The following MUC6 variants were observed in gnomAD, a reference collection of about 807,000 sequenced individuals.
The protein encoded by MUC6 is mucin 6, oligomeric mucus/gel-forming (gene/pseudogene).
In MUC6, 188 loss-of-function variants were observed where a neutral mutation model predicts 201.5. That is an observed-to-expected ratio of 0.93 (90% CI 0.83 to 1.05). The LOEUF is 1.05. Among genes scored for constraint, MUC6 ranks in the 50% least tolerant of loss-of-function variants. The pLI is 0.00. For missense variants in MUC6, 2,706 were observed against 3,256.9 expected, an observed-to-expected ratio of 0.83 and a Z score of 4.12; for synonymous variants, 1,228 against 1,389.4, an observed-to-expected ratio of 0.88 and a Z score of 2.58.
At position 1,020,154 on chromosome 11, in the gene MUC6, G is replaced by A. The variant is rs921137888; in HGVS notation, c.3744C>T (p.Ser1248=). Residue 1248 remains serine, a synonymous_variant, in exon 29 of 33, where the codon AGC becomes AGT. Transcript: ENST00000421673. The part of the protein sequence containing the change: ...PSPSSNHTPA[S]PTQTPLLPAT... ...CTGGAAGGAGGGGTGTCTGGGTGGGGCTGGCAGGGGTGTGATTAGAGCTGG... is the reference window on the plus strand; with the variant it reads ...CTGGAAGGAGGGGTGTCTGGGTGGGACTGGCAGGGGTGTGATTAGAGCTGG... 1.2e-6 allele frequency: 2 copies of A among 1,613,212 alleles called. No homozygotes were observed. Among genetic ancestry groups the A allele is most frequent in the South Asian group, 2.2e-5 (2 of 91,032 alleles).
rs1857007936 is a variant in MUC6, at chr11:1,028,057, C to T, written c.1756G>A (p.Val586Met). 1.3e-6 allele frequency: 2 copies of T among 1,571,994 alleles called. No homozygotes were observed. The highest frequency in any genetic ancestry group is 1.7e-6 in the Non-Finnish European group (2 of 1,159,118). ...ATGGAGCAGTGGGTCTCTGCACACA[C>T]CTCTGGGGATGACAGGCCCGGGCGT... ...DPCSMSQLNKVCAETHCSMLL... is the reference protein window; with the variant it reads ...DPCSMSQLNKMCAETHCSMLL... Residue 586 changes from valine to methionine, a missense_variant and splice_region_variant, in exon 15 of 33, where the codon GTG (valine) becomes ATG (methionine). Val to Met is a conservative substitution (Grantham distance 21). This residue lies in a region of MUC6 where 1,850 missense variants were observed against 1,958.3 expected (regional missense o/e 0.94). Transcript: ENST00000421673.
chr11:1,024,239 C>T lies in MUC6; in HGVS notation c.3226-136G>A, dbSNP rs1262196239. The stretch of plus-strand genomic sequence containing the variant: ...CGCTGGGACTGGGTGAGCGGCACCA[C>T]GTGGACCTCAGCCCTGACCGCTAGC... On this transcript the variant is annotated intron_variant, in intron 24 of 32. Transcript: ENST00000421673. The T allele has an allele frequency of 7.4e-6, 8 of 1,075,116 alleles. No homozygotes were observed. In the South Asian group the frequency reaches 7.6e-5, roughly 10 times the overall value. 66.6% of individuals were successfully genotyped at this position (1,075,116 alleles called of 1,614,324 possible). A position where few individuals can be genotyped will look rare whatever the true frequency, so the allele number is the denominator to read the frequency against.
At position 1,016,589 on chromosome 11, in the gene MUC6, G is replaced by T. The variant is rs749553046; in HGVS notation, c.6212C>A (p.Thr2071Asn). The T allele has an allele frequency of 1.2e-6, 2 of 1,613,124 alleles. No homozygotes were observed. The highest frequency in any genetic ancestry group is 1.7e-6 in the Non-Finnish European group (2 of 1,179,436). Residue 2071 changes from threonine to asparagine, a missense_variant, in exon 31 of 33, where the codon ACC becomes AAC. Transcript: ENST00000421673. ...GCTGAATGAGCTGTGGGTTTGGCTG[G>T]TCCCACTGGTGGTCACTGTCATTGG... ...APPMTVTTSG[T>N]SQTHSSFSTA...
In MUC6 at chr11:1,030,641, G is replaced by A; in HGVS notation, c.824C>T (p.Ser275Leu). The A allele has an allele frequency of 9.1e-6, 14 of 1,542,946 alleles. No individual in the cohort carries two copies. Among genetic ancestry groups the A allele is most frequent in the Non-Finnish European group, 1.2e-5 (14 of 1,145,998 alleles). The change falls in exon 7 of 33, where the codon TCG (serine) becomes TTG (leucine). Residue 275 changes from serine (S) to leucine (L), a missense_variant. By Grantham distance (145) the Ser-to-Leu change is moderately radical. Transcript: ENST00000421673. Reference sequence around the variant, plus strand: ...CATGCTGCACTGGCGGGAGTACTCCGACAGGGTGGCACAACTGCTGTTCTG... The same window carrying A: ...CATGCTGCACTGGCGGGAGTACTCCAACAGGGTGGCACAACTGCTGTTCTG... ...GPQNSSCATL[S>L]EYSRQCSMVG...
rs540553206 is a variant in MUC6 at position 1,024,214 on chromosome 11, C to T, written c.3226-111G>A. On this transcript the variant is annotated intron_variant, in intron 24 of 32. Coordinates refer to ENST00000421673, the MANE Select transcript of MUC6 (RefSeq NM_005961.3). ...TCAGGCCGGAGTGTGGCGGTAAGGGCGCTGGGACTGGGTGAGCGGCACCAC... is the reference window on the plus strand; with the variant it reads ...TCAGGCCGGAGTGTGGCGGTAAGGGTGCTGGGACTGGGTGAGCGGCACCAC... 2.2e-5 allele frequency: 29 copies of T among 1,296,228 alleles called. No individual in the cohort carries two copies. The East Asian group carries it at 3.0e-4, about 14-fold the overall frequency. 80.3% of individuals were successfully genotyped at this position (1,296,228 alleles called of 1,614,324 possible).
intron 24 of MUC6, 79 bp downstream of exon 24, chr11:1,024,765 T>G (rs1354074900): frequency 6.6e-7 from 1 of 1,520,222 alleles, no homozygotes; most frequent in Non-Finnish European, 8.8e-7. Context: ...GAACCGTGCC[T>G]GGCTTCCCCG....
At position 1,018,372 on chromosome 11, in the gene MUC6, G is replaced by A; in HGVS notation, c.4429C>T (p.His1477Tyr). 1 of 1,613,792 alleles carries A rather than the reference G, an allele frequency of 6.2e-7. No homozygotes were observed. The change falls in exon 31 of 33, where the codon CAC becomes TAC. Residue 1477 changes from histidine (H) to tyrosine (Y), a missense_variant. Coordinates refer to ENST00000421673, the MANE Select transcript of MUC6 (RefSeq NM_005961.3). ...HAQMATSASN[H>Y]SAPTGTIPPP... ...GGAATGGTACCTGTTGGCGCTGAGT[G>A]GTTGGAGGCAGATGTGGCCATCTGT...
At chr11:1,021,823 C>T (rs1036001673) in intron 26 of MUC6, among the ~76,000 whole-genome samples, 1 of 152,062 alleles carries the variant, frequency 6.6e-6, no homozygotes, top group Non-Finnish European at 1.5e-5. Flanking sequence ...GATGCAGGTG[C>T]CCTGCATTGC....
intron 8 of MUC6, 93 bp from the exon 9 acceptor site, chr11:1,029,708 CTCCAGGGAGACGCCCCCTCCAGCCTGG>C (rs1440226045): frequency 6.8e-7 from 1 of 1,464,636 alleles, no homozygotes; most frequent in African/African-American, 1.4e-5. Flanking sequence ...TCCAGCCTGG[CTCCAGGGAGACGCCCCCTCCAGCCTGG>C]CTCCAGGGAG....
rs1590050450 is a variant in MUC6, at chr11:1,027,532, G to C, written c.1982-15C>G. On this transcript the variant is annotated splice_polypyrimidine_tract_variant and intron_variant, in intron 16 of 32. Transcript: ENST00000421673. Reference sequence around the variant, plus strand: ...GCAGGGGATGGCTGTGGGGGACCCGGGCATCAGACTCTCCGGGAGGGGGCG... The same window carrying C: ...GCAGGGGATGGCTGTGGGGGACCCGCGCATCAGACTCTCCGGGAGGGGGCG... The C allele has an allele frequency of 1.2e-6, 2 of 1,611,532 alleles. No individual in the cohort carries two copies. The highest frequency in any genetic ancestry group is 4.5e-5 in the East Asian group (2 of 44,848).
rs373044731 is a variant in MUC6 at position 1,025,192 on chromosome 11, C to T, written c.2975G>A (p.Arg992His). 1.1e-4 allele frequency: 184 copies of T among 1,611,502 alleles called. No homozygotes were observed. Among genetic ancestry groups the T allele is most frequent in the Non-Finnish European group, 1.4e-4 (162 of 1,178,848 alleles). ...GAGGGCGTGCGGTACCTGGGAGGCA[C>T]GGGCGATCCTGATGAGGATGGTCAT... Reference protein sequence around the residue: ...RHMTILIRIARASQDPLCGLC... With the variant: ...RHMTILIRIAHASQDPLCGLC... The change falls in exon 23 of 33, where the codon CGT (arginine) becomes CAT (histidine). Residue 992 changes from arginine (R) to histidine (H), a missense_variant. Physicochemically the swap from Arg to His is conservative, Grantham distance 29. Transcript: ENST00000421673.
intron 7 of MUC6, 86 bp downstream of exon 7, chr11:1,030,487 G>T: frequency 1.4e-6 from 2 of 1,437,934 alleles, no homozygotes; most frequent in Non-Finnish European, 1.8e-6. Flanking sequence ...GGATGCAGGC[G>T]TCACGTCAGG....
chr11:1,015,865 C>A lies in MUC6; in HGVS notation c.6936G>T (p.Leu2312Phe), dbSNP rs769001416. Reference protein sequence around the residue: ...NLTTRHPGPTLSPTTRFLTSS... With the variant: ...NLTTRHPGPTFSPTTRFLTSS... Reference sequence around the variant, plus strand: ...TGGTCAGGAACCGTGTGGTAGGCGACAAGGTGGGACCAGGGTGCCTGGTGG... The same window carrying A: ...TGGTCAGGAACCGTGTGGTAGGCGAAAAGGTGGGACCAGGGTGCCTGGTGG... The change falls in exon 31 of 33, where the codon TTG becomes TTT. Residue 2312 changes from leucine (L) to phenylalanine (F), a missense_variant. Physicochemically the swap from Leu to Phe is conservative, Grantham distance 22. This residue lies in a region of MUC6 where 586 missense variants were observed against 488.0 expected (regional missense o/e 1.20). Transcript: ENST00000421673. The A allele has an allele frequency of 6.2e-7, 1 of 1,607,542 alleles. No individual in the cohort carries two copies. The highest frequency in any genetic ancestry group is 8.5e-7 in the Non-Finnish European group (1 of 1,176,404).
In MUC6 at chr11:1,028,588, C is replaced by G. The variant is rs1857022885; in HGVS notation, c.1591+58G>C. 2.5e-6 allele frequency: 4 copies of G among 1,580,976 alleles called. No homozygotes were observed. In the Admixed American group the frequency reaches 7.3e-5, roughly 29 times the overall value. On this transcript the variant is annotated intron_variant, in intron 13 of 32. Coordinates refer to ENST00000421673, the MANE Select transcript of MUC6 (RefSeq NM_005961.3). ...TCTTGGACCTTTCTCCTCCCCTGGT[C>G]ATGGCCAGACCCTGTAGGGATGAGG... is the stretch of plus-strand genomic sequence containing the variant.
In MUC6 at chr11:1,019,471, G is replaced by A. The variant is rs1018184328; in HGVS notation, c.3834C>T (p.Val1278=). Residue 1278 remains valine (V), a synonymous_variant, in exon 30 of 33, where the codon GTC becomes GTT. Coordinates refer to ENST00000421673, the MANE Select transcript of MUC6 (RefSeq NM_005961.3). ...SGEPPRPTTA[V]TPQATSGLPP... ...GCAGCCCTGATGTGGCTTGTGGGGTGACGGCCGTGGTTGGTCTAGGTGGTT... is the reference window on the plus strand; with the variant it reads ...GCAGCCCTGATGTGGCTTGTGGGGTAACGGCCGTGGTTGGTCTAGGTGGTT... 6.2e-7 allele frequency: 1 copy of A among 1,613,800 alleles called. No individual in the cohort carries two copies. The highest frequency in any genetic ancestry group is 8.5e-7 in the Non-Finnish European group (1 of 1,179,876).
At position 1,023,490 on chromosome 11, in the gene MUC6, C is replaced by T. The variant is rs962645492; in HGVS notation, c.3526+19G>A. On this transcript the variant is annotated intron_variant, in intron 26 of 32. Transcript: ENST00000421673. ...TGGGTCCCCCTGTGTATCTGCGTTG[C>T]CTCCCGGTCACCTGGCACCTTCGAT... The T allele has an allele frequency of 6.4e-7, 1 of 1,559,014 alleles. No homozygotes were observed. Among genetic ancestry groups the T allele is most frequent in the Non-Finnish European group, 8.7e-7 (1 of 1,151,080 alleles).
intron 2 of MUC6, among the ~76,000 whole-genome samples, chr11:1,032,754 CTG>C (rs560960934): frequency 4.2e-3 from 615 of 145,020 alleles, no homozygotes; most frequent in Admixed American, 7.7e-3. Context: ...GGTTGTGTGT[CTG>C]TGTAGAGTGT....
rs1382457923 is a variant in MUC6 at position 1,033,947 on chromosome 11, G to A, written c.53-872C>T. Among the ~76,000 whole-genome samples, 2 of 152,134 alleles carry A rather than the reference G, an allele frequency of 1.3e-5. No homozygotes were observed. The highest frequency in any genetic ancestry group is 4.8e-5 in the African/African-American group (2 of 41,420). The stretch of plus-strand genomic sequence containing the variant: ...CCCATTGGTTAGCAGGGCACTCACA[G>A]CACCTCCTTCCAGATGTAGCTCAGA... On this transcript the variant is annotated intron_variant, in intron 1 of 32. Transcript: ENST00000421673. This position sits in a 1 kb window ranked among gnomAD's most constrained non-coding sequence, Gnocchi z 5.6.
Position 1,025,327 on chromosome 11 carries a change from G to C in MUC6, c.2840C>G (p.Thr947Ser), listed in dbSNP as rs753889578. 1.2e-6 allele frequency: 2 copies of C among 1,612,146 alleles called. No homozygotes were observed. The highest frequency in any genetic ancestry group is 3.3e-5 in the Admixed American group (2 of 60,024). The change falls in exon 23 of 33, where the codon ACC becomes AGC. Residue 947 changes from threonine to serine, a missense_variant. Transcript: ENST00000421673. ...GAGCTGCACGTGGGGCTCCTCCCCGGTGACCGTGTAGTTTCTGTCCGCCAG... is the reference window on the plus strand; with the variant it reads ...GAGCTGCACGTGGGGCTCCTCCCCGCTGACCGTGTAGTTTCTGTCCGCCAG... ...VVLADRNYTV[T>S]GEEPHVQLGV...
Sources: allele counts gnomAD v4.1 joint callset (sites outside exome capture counted in the v4.1 genomes callset), GRCh38; gene constraint gnomAD v4.1.1; regional missense constraint gnomAD v4.1.1; non-coding constraint Gnocchi (gnomAD v3.1); transcripts MANE v1.5; gene names NCBI Gene and HGNC (gene_info 2026-07-23, HGNC 2026-07-21).